The following CCDC78 variants were observed in gnomAD, a reference collection of about 807,000 sequenced individuals.
CCDC78 encodes the protein coiled-coil domain-containing protein 78.
A neutral mutation model predicts 61.9 loss-of-function variants in CCDC78; 78 were observed. That is an observed-to-expected ratio of 1.26 (90% CI 1.05 to 1.52). The LOEUF (loss-of-function observed/expected upper bound fraction) is 1.52, where lower values mean the gene tolerates loss of function less well. Ranked by LOEUF, CCDC78 falls within the 40% of genes most tolerant of loss-of-function variation. The pLI is 0.00. For missense variants in CCDC78, 737 were observed against 615.5 expected (o/e 1.20, Z -2.09); for synonymous variants, 287 against 251.9 (o/e 1.14, Z -1.32).
Position 725,879 on chromosome 16 carries a change from A to T in CCDC78, c.182T>A (p.Ile61Asn). 4 of 1,609,556 alleles carry T rather than the reference A, an allele frequency of 2.5e-6. No homozygotes were observed. The highest frequency in any genetic ancestry group is 3.4e-6 in the Non-Finnish European group (4 of 1,178,002). ...LALNKEQQLQ[I>N]SKELVDIQIT... ...CTGAATGTCGACCAGCTCCTTGGAGATCTGTGGGTGGCCAGGTGAGAGGTG... is the reference window on the plus strand; with the variant it reads ...CTGAATGTCGACCAGCTCCTTGGAGTTCTGTGGGTGGCCAGGTGAGAGGTG... The change falls in exon 3 of 14, where the codon ATC becomes AAC. Residue 61 changes from isoleucine (I) to asparagine (N), a missense_variant and splice_region_variant. Transcript: ENST00000345165.
chr16:723,188 G>A, intron 11 of CCDC78, 27 bp from the exon 12 acceptor site: 1 of 1,609,972 alleles, frequency 6.2e-7, no homozygotes, highest in East Asian at 2.2e-5. Flanking sequence ...AAGGAGGAGT[G>A]GTTTTGAGAG....
At position 725,887 on chromosome 16, in the gene CCDC78, G is replaced by A; in HGVS notation, c.181-7C>T. ...CGACCAGCTCCTTGGAGATCTGTGG[G>A]TGGCCAGGTGAGAGGTGGCGTCTGT... On this transcript the variant is annotated splice_region_variant and splice_polypyrimidine_tract_variant and intron_variant, in intron 2 of 13. Coordinates refer to ENST00000345165, the MANE Select transcript of CCDC78 (RefSeq NM_001378030.1). 1 of 1,607,672 alleles carries A rather than the reference G, an allele frequency of 6.2e-7. No individual in the cohort carries two copies. The highest frequency in any genetic ancestry group is 2.2e-5 in the East Asian group (1 of 44,768).
rs137980462 is a variant in CCDC78 at position 723,115 on chromosome 16, C to T, written c.1180G>A (p.Asp394Asn). Residue 394 changes from aspartate to asparagine, a missense_variant, in exon 12 of 14, where the codon GAC becomes AAC. By Grantham distance (23) the Asp-to-Asn change is conservative. Transcript: ENST00000345165. ...SWAQIHQKLR[D>N]FSRSTQAELE... Reference sequence around the variant, plus strand: ...CCTACCTGGGTGCTGCGGGAGAAGTCCCGGAGCTTCTGGTGGATCTGGGCC... The same window carrying T: ...CCTACCTGGGTGCTGCGGGAGAAGTTCCGGAGCTTCTGGTGGATCTGGGCC... 1.2e-6 allele frequency: 2 copies of T among 1,612,586 alleles called. No individual in the cohort carries two copies. Among genetic ancestry groups the T allele is most frequent in the African/African-American group, 2.7e-5 (2 of 74,942 alleles).
In CCDC78 at chr16:723,152, G is replaced by A. The variant is rs530313895; in HGVS notation, c.1143C>T (p.Asp381=). ...QGGTSEPQGL[D]AASWAQIHQK... ...GGTGGATCTGGGCCCAGGATGCAGCGTCCAGGCCCCTGTGAGGGGAGAGGA... is the reference window on the plus strand; with the variant it reads ...GGTGGATCTGGGCCCAGGATGCAGCATCCAGGCCCCTGTGAGGGGAGAGGA... The change falls in exon 12 of 14, where the codon GAC becomes GAT. Residue 381 remains aspartate, a synonymous_variant. Transcript: ENST00000345165. 2.1e-5 allele frequency: 34 copies of A among 1,612,570 alleles called. No homozygotes were observed. Among genetic ancestry groups the A allele is most frequent in the African/African-American group, 1.1e-4 (8 of 75,062 alleles).
At position 724,865 on chromosome 16, in the gene CCDC78, G is replaced by C. The variant is rs539700562; in HGVS notation, c.639+46C>G. On this transcript the variant is annotated intron_variant, in intron 7 of 13. Coordinates refer to ENST00000345165, the MANE Select transcript of CCDC78 (RefSeq NM_001378030.1). ...AGAGTGGACCCCGGCTGAGCTTCTGGGGCCCCCACCCTCCAGGTCTCCAAG... is the reference window on the plus strand; with the variant it reads ...AGAGTGGACCCCGGCTGAGCTTCTGCGGCCCCCACCCTCCAGGTCTCCAAG... 2.5e-4 allele frequency: 397 copies of C among 1,603,318 alleles called. 4 individuals are homozygous for C. In the East Asian group the frequency reaches 8.9e-3, roughly 36 times the overall value.
upstream of CCDC78, chr16:726,721 G>GAGAT: frequency 4.7e-6 from 2 of 428,028 alleles, no homozygotes; most frequent in South Asian, 3.0e-5. Flanking sequence ...AGCTACACTC[G>GAGAT]CTGGACACCT....
At chr16:723,957 G>T (rs1277820011) in intron 10 of CCDC78, 21 bp from the exon 11 acceptor site, 2 of 1,602,228 alleles carry the variant, frequency 1.2e-6, no homozygotes, top group Admixed American at 3.4e-5. Flanking sequence ...TTGTGGTGGG[G>T]ACGTTTCAGT....
chr16:725,825 T>C lies in CCDC78; in HGVS notation c.236A>G (p.His79Arg). The change falls in exon 3 of 14, where the codon CAT becomes CGT. Residue 79 changes from histidine to arginine, a missense_variant. His to Arg is a conservative substitution (Grantham distance 29, BLOSUM62 0). Transcript: ENST00000345165. ...CTTCAGCTGGAAGATTTCAGCCTCATGCTGCTCATGTAGGTGGTGGGTTGT... is the reference window on the plus strand; with the variant it reads ...CTTCAGCTGGAAGATTTCAGCCTCACGCTGCTCATGTAGGTGGTGGGTTGT... ...QITTHHLHEQHEAEIFQLKSE... is the reference protein window; with the variant it reads ...QITTHHLHEQREAEIFQLKSE... 1 of 1,610,896 alleles carries C rather than the reference T, an allele frequency of 6.2e-7. No homozygotes were observed. The highest frequency in any genetic ancestry group is 8.5e-7 in the Non-Finnish European group (1 of 1,178,696).
At chr16:725,339 C>T (rs1241924496) in intron 4 of CCDC78, 46 bp from the exon 5 acceptor site, 1 of 1,611,104 alleles carries the variant, frequency 6.2e-7, no homozygotes, top group Admixed American at 1.7e-5. Flanking sequence ...GGGTGAGCCC[C>T]AGTTTCACTG....
At chr16:723,299 C>T (rs1038699884) in intron 11 of CCDC78, 138 bp from the exon 12 acceptor site, 7 of 951,426 alleles carry the variant, frequency 7.4e-6, no homozygotes, top group South Asian at 2.8e-5. Context: ...GGGCCCCCCC[C>T]GTGCTCCTGT....
upstream of CCDC78, chr16:726,514 C>T: frequency 4.4e-6 from 4 of 900,652 alleles, no homozygotes; most frequent in Non-Finnish European, 6.5e-6. Flanking sequence ...CCACAGGGGC[C>T]GGCCAGACCG....
intron 4 of CCDC78, 31 bp from the exon 5 acceptor site, chr16:725,324 G>A (rs1193262807): frequency 3.1e-6 from 5 of 1,610,306 alleles, no homozygotes; most frequent in Non-Finnish European, 4.2e-6. Flanking sequence ...GGAAAGCTAA[G>A]GGGTGGGTGA....
chr16:722,583 G>A lies in CCDC78; in HGVS notation c.*95C>T, dbSNP rs1251239491. On this transcript the variant is annotated 3_prime_UTR_variant, in exon 14 of 14. Coordinates refer to ENST00000345165, the MANE Select transcript of CCDC78 (RefSeq NM_001378030.1). ...GTATTAGACACGATAAAGACTCTGTGGGTTCTATCCTGACTCATGTTTTAT... is the reference window on the plus strand; with the variant it reads ...GTATTAGACACGATAAAGACTCTGTAGGTTCTATCCTGACTCATGTTTTAT... The A allele has an allele frequency of 3.1e-6, 5 of 1,594,494 alleles. No homozygotes were observed. Among genetic ancestry groups the A allele is most frequent in the Non-Finnish European group, 4.3e-6 (5 of 1,173,054 alleles).
At chr16:726,469 C>A (rs1046599536), upstream of CCDC78, 86 of 1,416,086 alleles carry the variant, frequency 6.1e-5, 1 homozygote, top group Non-Finnish European at 1.5e-5. Context: ...GTTGCCAAGG[C>A]CTCTGTTGGT....
At chr16:725,690 G>T in intron 3 of CCDC78, 104 bp downstream of exon 3, 1 of 1,571,586 alleles carries the variant, frequency 6.4e-7, no homozygotes. Context: ...GGCAGGCTGA[G>T]ACCCACAGAT....
Position 722,614 on chromosome 16 carries a change from G to T in CCDC78, c.*64C>A, listed in dbSNP as rs1198474610. On this transcript the variant is annotated 3_prime_UTR_variant, in exon 14 of 14. Coordinates refer to ENST00000345165, the MANE Select transcript of CCDC78 (RefSeq NM_001378030.1). The stretch of plus-strand genomic sequence containing the variant: ...TATCCTGACTCATGTTTTATGGGGG[G>T]CTGGGTGGGAGGGTTCTGTGCTGGC... 22 of 1,582,774 alleles carry T rather than the reference G, an allele frequency of 1.4e-5. No individual in the cohort carries two copies. The highest frequency in any genetic ancestry group is 1.6e-5 in the Non-Finnish European group (19 of 1,166,716).
intron 11 of CCDC78, chr16:723,407 C>T: frequency 1.4e-6 from 1 of 698,932 alleles, no homozygotes; most frequent in East Asian, 2.7e-5. Flanking sequence ...ACAAGGCCAG[C>T]CCAGACAGTG....
At chr16:723,406 G>T (rs1327925796) in intron 11 of CCDC78, 2 of 699,536 alleles carry the variant, frequency 2.9e-6, no homozygotes, top group Non-Finnish European at 5.2e-6. Context: ...CACAAGGCCA[G>T]CCCAGACAGT....
chr16:724,014 G>T, intron 10 of CCDC78, 78 bp from the exon 11 acceptor site: 2 of 1,431,924 alleles, frequency 1.4e-6, no homozygotes, highest in Non-Finnish European at 1.9e-6. Context: ...TGAGGTCTCT[G>T]TTGAGCCCAG....
Sources: allele counts gnomAD v4.1 joint callset, GRCh38; gene constraint gnomAD v4.1.1; transcripts MANE v1.5; gene names NCBI Gene and HGNC (gene_info 2026-07-23, HGNC 2026-07-21).